The following HMCN2 variants were observed in gnomAD, a reference collection of about 807,000 sequenced individuals.
HMCN2 encodes the protein hemicentin-2.
Under a neutral mutation model 377.5 loss-of-function variants are expected in HMCN2, and 325 were observed. The ratio of observed to expected loss-of-function variants is 0.86; its 90% CI spans 0.79 to 0.94. HMCN2 has a LOEUF of 0.94. Among genes scored for constraint, HMCN2 ranks in the 40% least tolerant of loss-of-function variants. The pLI is 0.00. For missense variants in HMCN2, 4,543 were observed against 4,725.3 expected, an observed-to-expected ratio of 0.96 and a Z score of 1.13; for synonymous variants, 2,007 against 2,046.8, an observed-to-expected ratio of 0.98 and a Z score of 0.53.
In HMCN2 at chr9:130,433,683, A is replaced by G. The variant is rs1304814279; in HGVS notation, c.15230A>G (p.Tyr5077Cys). 6.7e-7 allele frequency: 1 copy of G among 1,485,612 alleles called. No homozygotes were observed. The allele number at this position is 1,485,612 out of a possible 1,614,324, so 92.0% of individuals were successfully genotyped here. Reference sequence around the variant, plus strand: ...GTCTTGCTCATCGCCGTGTCCCCCTACCCCTACTAAACGGGAGAGGGCATT... The same window carrying G: ...GTCTTGCTCATCGCCGTGTCCCCCTGCCCCTACTAAACGGGAGAGGGCATT... ...VFVLLIAVSPYPY is the reference protein window; with the variant it reads ...VFVLLIAVSPCPY The change falls in exon 98 of 98, where the codon TAC (tyrosine) becomes TGC (cysteine). Residue 5077 changes from tyrosine (Y) to cysteine (C), a missense_variant. Around this residue, in one of 5 missense-constraint regions of HMCN2, gnomAD observed 1,155 missense variants for 1,157.7 expected, o/e 1.00. Transcript: ENST00000683500.
chr9:130,422,824 G>A lies in HMCN2; in HGVS notation c.13381+98G>A. 1.5e-5 allele frequency: 16 copies of A among 1,036,676 alleles called. No individual in the cohort carries two copies. Among genetic ancestry groups the A allele is most frequent in the Non-Finnish European group, 1.9e-5 (15 of 806,108 alleles). The allele number at this position is 1,036,676 out of a possible 1,614,324, so 64.2% of individuals were successfully genotyped here. The stretch of plus-strand genomic sequence containing the variant: ...TGGACCTAGGAGGCGCAGAGCCTGT[G>A]CCCCGAGACTTGCTCAAGGCCTGAT... On this transcript the variant is annotated intron_variant, in intron 87 of 97. Coordinates refer to ENST00000683500, the MANE Select transcript of HMCN2 (RefSeq NM_001291815.2). The surrounding 1 kb of genome is among the most constrained non-coding windows in gnomAD (Gnocchi z 4.2).
chr9:130,351,377 C>T lies in HMCN2; in HGVS notation c.4431-46C>T. 1 of 1,273,944 alleles carries T rather than the reference C, an allele frequency of 7.8e-7. No individual in the cohort carries two copies. The highest frequency in any genetic ancestry group is 1.0e-6 in the Non-Finnish European group (1 of 969,090). 78.9% of individuals were successfully genotyped at this position (1,273,944 alleles called of 1,614,324 possible). On this transcript the variant is annotated intron_variant, in intron 29 of 97. Coordinates refer to ENST00000683500, the MANE Select transcript of HMCN2 (RefSeq NM_001291815.2). This position sits in a 1 kb window ranked among gnomAD's most constrained non-coding sequence, Gnocchi z 5.4. Reference sequence around the variant, plus strand: ...CTCCCTGTGTGCAGCGTGTCCCATCCAGCCCCTCGGCCTTACTGGCGCTTT... The same window carrying T: ...CTCCCTGTGTGCAGCGTGTCCCATCTAGCCCCTCGGCCTTACTGGCGCTTT...
chr9:130,325,182 G>C (rs1838069418), intron 19 of HMCN2, among the ~76,000 whole-genome samples: 1 of 143,780 alleles, frequency 7.0e-6, no homozygotes, highest in Non-Finnish European at 1.5e-5. Flanking sequence ...TGCAACCTCC[G>C]CCTTCCAGTT....
Position 130,300,627 on chromosome 9 carries a change from T to G in HMCN2, c.1276+1339T>G, listed in dbSNP as rs77285377. 5.6e-3 allele frequency among the ~76,000 whole-genome samples: 847 copies of G among 152,384 alleles called. 10 individuals are homozygous for G. Among genetic ancestry groups the G allele is most frequent in the African/African-American group, 0.019 (805 of 41,602 alleles). ...AGACAGCATTTGGGTCCTCAGAGGC[T>G]GCACTCAGAATGTATCCATTTGTGG... On this transcript the variant is annotated intron_variant, in intron 8 of 97. Transcript: ENST00000683500.
At chr9:130,418,114 G>C (rs1046130622) in intron 85 of HMCN2, among the ~76,000 whole-genome samples, 1 of 152,140 alleles carries the variant, frequency 6.6e-6, no homozygotes, top group Non-Finnish European at 1.5e-5. Flanking sequence ...CTGACAGATG[G>C]CCCCCCACTT....
intron 53 of HMCN2, 83 bp downstream of exon 53, chr9:130,377,882 T>C: frequency 1.1e-6 from 1 of 946,666 alleles, no homozygotes; most frequent in Non-Finnish European, 1.3e-6. Flanking sequence ...GCCCCCACCA[T>C]GTGTCCTGCA....
At chr9:130,358,167 CA>C (rs1840151182) in intron 35 of HMCN2, among the ~76,000 whole-genome samples, 179 bp downstream of exon 35, 1 of 152,180 alleles carries the variant, frequency 6.6e-6, no homozygotes, top group Admixed American at 6.5e-5. Context: ...CTTCAGTTGT[CA>C]GAGGGAGAAA....
At chr9:130,319,215 A>G (rs1352889657) in intron 15 of HMCN2, among the ~76,000 whole-genome samples, 2 of 152,104 alleles carry the variant, frequency 1.3e-5, no homozygotes, top group South Asian at 4.1e-4. Context: ...TGTCACAGCC[A>G]GGAGTGGGCA....
chr9:130,343,083 C>T (rs888009248), intron 25 of HMCN2, among the ~76,000 whole-genome samples: 5 of 152,304 alleles, frequency 3.3e-5, no homozygotes, highest in East Asian at 1.9e-4. Context: ...TGGGACCCCA[C>T]GCGTGCACAG....
At chr9:130,366,752 C>G (rs533859374) in intron 43 of HMCN2, among the ~76,000 whole-genome samples, 1 of 152,160 alleles carries the variant, frequency 6.6e-6, no homozygotes, top group East Asian at 1.9e-4. Context: ...AGCACCCAGC[C>G]CATTTAACCA....
chr9:130,382,025 C>T (rs974645252), intron 54 of HMCN2, among the ~76,000 whole-genome samples, 159 bp from the exon 55 acceptor site: 1 of 152,166 alleles, frequency 6.6e-6, no homozygotes, highest in Non-Finnish European at 1.5e-5. Context: ...GACTCCACTC[C>T]ACCCGTGAGC....
At position 130,394,013 on chromosome 9, in the gene HMCN2, G is replaced by T. The variant is rs1437136772; in HGVS notation, c.10501+5G>T. On this transcript the variant is annotated splice_donor_5th_base_variant and intron_variant, in intron 68 of 97. Coordinates refer to ENST00000683500, the MANE Select transcript of HMCN2 (RefSeq NM_001291815.2). The surrounding 1 kb of genome is among the most constrained non-coding windows in gnomAD (Gnocchi z 5.1). Reference sequence around the variant, plus strand: ...ATTTCCAGCTGACCGTCATGGGTGGGTCCTCTGGCCTCTGGCCAGCTTCTC... The same window carrying T: ...ATTTCCAGCTGACCGTCATGGGTGGTTCCTCTGGCCTCTGGCCAGCTTCTC... 3 of 1,245,136 alleles carry T rather than the reference G, an allele frequency of 2.4e-6. No individual in the cohort carries two copies. The East Asian group carries it at 1.7e-4, about 71-fold the overall frequency. 77.1% of individuals were successfully genotyped at this position (1,245,136 alleles called of 1,614,324 possible).
chr9:130,396,175 C>T lies in HMCN2; in HGVS notation c.11060C>T (p.Pro3687Leu). 7.9e-7 allele frequency: 1 copy of T among 1,272,524 alleles called. No individual in the cohort carries two copies. Among genetic ancestry groups the T allele is most frequent in the Non-Finnish European group, 1.0e-6 (1 of 975,086 alleles). 78.8% of individuals were successfully genotyped at this position (1,272,524 alleles called of 1,614,324 possible). The change falls in exon 73 of 98, where the codon CCC becomes CTC. Residue 3687 changes from proline (P) to leucine (L), a missense_variant. Transcript: ENST00000683500. Reference sequence around the variant, plus strand: ...CCTCTGTGCCCCTCCCCAGCGGTGCCCACCATCCGGTCAGGACCACCTGCA... The same window carrying T: ...CCTCTGTGCCCCTCCCCAGCGGTGCTCACCATCCGGTCAGGACCACCTGCA... ...VAFRVEIHTV[P>L]TIRSGPPAVN...
At chr9:130,417,005 A>T (rs193029883) in intron 85 of HMCN2, among the ~76,000 whole-genome samples, 1 of 151,986 alleles carries the variant, frequency 6.6e-6, no homozygotes, top group East Asian at 1.9e-4. Flanking sequence ...TCTGCCTCCC[A>T]GGTTCAAGCA....
At chr9:130,338,777 C>G (rs984068654) in intron 23 of HMCN2, among the ~76,000 whole-genome samples, 15 of 152,248 alleles carry the variant, frequency 9.9e-5, no homozygotes, top group Non-Finnish European at 1.9e-4. Context: ...AATCTGCCCT[C>G]CTGTTTTCAG....
intron 1 of HMCN2, among the ~76,000 whole-genome samples, chr9:130,282,518 A>C (rs1430130928): frequency 6.6e-6 from 1 of 152,120 alleles, no homozygotes; most frequent in Non-Finnish European, 1.5e-5. Flanking sequence ...TGTAGTTCAG[A>C]GGAAAGGACG....
intron 47 of HMCN2, 43 bp from the exon 48 acceptor site, chr9:130,372,995 C>CG (rs1369767163): frequency 2.7e-5 from 4 of 146,694 alleles, no homozygotes; most frequent in African/African-American, 7.5e-5. Flanking sequence ...CCAGCCCCCC[C>CG]CCCCACCCCA....
intron 23 of HMCN2, among the ~76,000 whole-genome samples, 163 bp from the exon 24 acceptor site, chr9:130,340,948 G>A (rs938901710): frequency 2.0e-5 from 3 of 152,212 alleles, no homozygotes; most frequent in Non-Finnish European, 4.4e-5. Context: ...CTCACTTTGG[G>A]GGAGTCCACG....
At chr9:130,358,144 C>T (rs1269266665) in intron 35 of HMCN2, among the ~76,000 whole-genome samples, 156 bp downstream of exon 35, 7 of 152,180 alleles carry the variant, frequency 4.6e-5, no homozygotes, top group Non-Finnish European at 8.8e-5. Flanking sequence ...CAGCCTCTTC[C>T]GGGTCCTAGG....
Sources: gnomAD v4.1 joint callset for allele counts (sites outside exome capture counted in the v4.1 genomes callset) on GRCh38, gnomAD v4.1.1 for gene constraint, gnomAD v4.1.1 regional missense constraint, Gnocchi (gnomAD v3.1) non-coding constraint, MANE v1.5 for transcripts, NCBI Gene and HGNC (gene_info 2026-07-23, HGNC 2026-07-21) for gene names.